RFX8: variants seen among roughly 807,000 people sequenced by gnomAD.
The protein encoded by RFX8 is DNA-binding protein RFX8.
In RFX8, 46 loss-of-function variants were observed where a neutral mutation model predicts 54.6. The observed-to-expected ratio is 0.84, with a 90% confidence interval of 0.67 to 1.08. The LOEUF (loss-of-function observed/expected upper bound fraction) is 1.08, where lower values mean the gene tolerates loss of function less well. RFX8 is among the 50% of genes least tolerant of loss of function. The pLI, the probability that RFX8 is intolerant of heterozygous loss-of-function variation, is 0.00. For missense variants in RFX8, 536 were observed against 562.3 expected, an observed-to-expected ratio of 0.95 and a Z score of 0.47; for synonymous variants, 192 against 209.5, an observed-to-expected ratio of 0.92 and a Z score of 0.72.
At chr2:101,403,557 C>A (rs555609627) in intron 10 of RFX8, among the ~76,000 whole-genome samples, 3 of 152,158 alleles carry the variant, frequency 2.0e-5, no homozygotes, top group Non-Finnish European at 2.9e-5. Flanking sequence ...GAGGCCGAGG[C>A]GGGCAGATCA....
At chr2:101,406,359 G>A (rs939585488) in intron 9 of RFX8, among the ~76,000 whole-genome samples, 2 of 151,132 alleles carry the variant, frequency 1.3e-5, no homozygotes, top group Admixed American at 6.6e-5. Context: ...TTTGAGACAT[G>A]GTCTTCCTGT....
chr2:101,402,361 G>T, intron 11 of RFX8, 75 bp downstream of exon 11: 3 of 1,202,074 alleles, frequency 2.5e-6, no homozygotes, highest in Non-Finnish European at 3.5e-6. Context: ...AAGTGATCTT[G>T]AGGGTTTTAC....
intron 8 of RFX8, among the ~76,000 whole-genome samples, chr2:101,411,298 G>A (rs563590413): frequency 3.9e-5 from 6 of 152,350 alleles, no homozygotes; most frequent in East Asian, 3.9e-4. Flanking sequence ...AAACTGAGTC[G>A]GTTGCAGTGG....
chr2:101,454,261 G>A (rs192066399), intron 2 of RFX8, among the ~76,000 whole-genome samples: 251 of 152,218 alleles, frequency 1.6e-3, no homozygotes, highest in African/African-American at 5.6e-3. Flanking sequence ...ATTCCATGGT[G>A]TATATGTGTC....
chr2:101,413,177 A>G, intron 7 of RFX8, 106 bp from the exon 8 acceptor site: 1 of 821,922 alleles, frequency 1.2e-6, no homozygotes, highest in South Asian at 1.6e-5. Context: ...AGAAAGAAAC[A>G]TTGATGTGGA....
At chr2:101,419,635 G>A (rs1424613621) in intron 4 of RFX8, among the ~76,000 whole-genome samples, 3 of 152,282 alleles carry the variant, frequency 2.0e-5, no homozygotes, top group South Asian at 4.1e-4. Flanking sequence ...CAGATACTGT[G>A]AGGCATCACA....
chr2:101,448,134 T>C (rs532041627), intron 2 of RFX8, among the ~76,000 whole-genome samples: 13 of 152,320 alleles, frequency 8.5e-5, no homozygotes, highest in Admixed American at 8.5e-4. Flanking sequence ...GATTGTTGCA[T>C]TGGGGATCAG....
intron 4 of RFX8, chr2:101,421,476 T>C (rs1686859116): frequency 8.5e-7 from 1 of 1,182,248 alleles, no homozygotes; most frequent in Admixed American, 4.5e-5. Context: ...TGAATTTGTA[T>C]TTAGAGCCTA....
chr2:101,444,119 G>A (rs893210079), intron 2 of RFX8, among the ~76,000 whole-genome samples: 2 of 152,200 alleles, frequency 1.3e-5, no homozygotes, highest in Admixed American at 1.3e-4. Context: ...AACATTGGCA[G>A]AGCCTGATGC....
In RFX8 at chr2:101,474,823, C is replaced by G. The variant is rs1413352623; in HGVS notation, c.-240G>C. The G allele has an allele frequency of 1.3e-5, 2 of 150,842 alleles. No homozygotes were observed. 9.3% of individuals were successfully genotyped at this position (150,842 alleles called of 1,614,324 possible). A position where few individuals can be genotyped will look rare whatever the true frequency, so the allele number is the denominator to read the frequency against. ...GGCGAGGGCCGCCTGGGCCAACCGG[C>G]TTTTTCAGGGTCCCGGGTGATGCTA... On this transcript the variant is annotated 5_prime_UTR_variant, in exon 1 of 12. Coordinates refer to ENST00000428343, the MANE Select transcript of RFX8 (RefSeq NM_001145664.2).
chr2:101,431,183 T>G (rs1346484556), intron 2 of RFX8, among the ~76,000 whole-genome samples: 1 of 152,192 alleles, frequency 6.6e-6, no homozygotes, highest in Non-Finnish European at 1.5e-5. Flanking sequence ...CATTCATCAG[T>G]GCCTACTGAA....
intron 4 of RFX8, chr2:101,421,120 G>T: frequency 2.9e-6 from 1 of 343,354 alleles, no homozygotes; most frequent in Non-Finnish European, 4.1e-6. Context: ...ATGCGCTCGT[G>T]CTGAATGAGC....
At chr2:101,448,139 G>A (rs994867575) in intron 2 of RFX8, among the ~76,000 whole-genome samples, 11 of 152,180 alleles carry the variant, frequency 7.2e-5, no homozygotes, top group Admixed American at 2.0e-4. Flanking sequence ...TTGCATTGGG[G>A]ATCAGGTTCA....
intron 2 of RFX8, among the ~76,000 whole-genome samples, chr2:101,439,613 C>CTT (rs1687978471): frequency 7.9e-6 from 1 of 126,088 alleles, no homozygotes; most frequent in Non-Finnish European, 1.7e-5. Flanking sequence ...TTTTTTTTGC[C>CTT]TGTGGGTTTC....
intron 8 of RFX8, among the ~76,000 whole-genome samples, chr2:101,411,026 C>G (rs933321584): frequency 6.6e-6 from 1 of 152,210 alleles, no homozygotes; most frequent in Admixed American, 6.5e-5. Flanking sequence ...GCTCATTGCA[C>G]GATACAGACA....
intron 1 of RFX8, among the ~76,000 whole-genome samples, 183 bp from the exon 2 acceptor site, chr2:101,467,083 C>CAGTGTTA (rs773847408): frequency 2.6e-4 from 39 of 152,184 alleles, no homozygotes; most frequent in Non-Finnish European, 4.6e-4. Context: ...GTCCTTAGGC[C>CAGTGTTA]AGTGTTAAGT....
chr2:101,433,546 G>A (rs1267727584), intron 2 of RFX8, among the ~76,000 whole-genome samples: 3 of 152,178 alleles, frequency 2.0e-5, no homozygotes, highest in African/African-American at 7.2e-5. Flanking sequence ...CAAATGTAGT[G>A]TTAGCTTAAT....
chr2:101,469,236 C>G (rs1452685722), intron 1 of RFX8, among the ~76,000 whole-genome samples: 1 of 148,832 alleles, frequency 6.7e-6, no homozygotes, highest in East Asian at 2.0e-4. Context: ...CTCATTGCAT[C>G]CTCAAACTCC....
At chr2:101,405,681 T>C (rs1428932470) in intron 10 of RFX8, among the ~76,000 whole-genome samples, 2 of 152,118 alleles carry the variant, frequency 1.3e-5, no homozygotes, top group Non-Finnish European at 2.9e-5. Flanking sequence ...ACAAAGCTCA[T>C]AATTCAAGAA....
Sources: allele counts gnomAD v4.1 joint callset (sites outside exome capture counted in the v4.1 genomes callset), GRCh38; gene constraint gnomAD v4.1.1; transcripts MANE v1.5; gene names NCBI Gene and HGNC (gene_info 2026-07-23, HGNC 2026-07-21).